Variants in MBD4 observed in about 807,000 individuals in gnomAD.
MBD4 encodes the protein methyl-CpG binding domain 4, DNA glycosylase.
Under a neutral mutation model 60.2 loss-of-function variants are expected in MBD4, and 53 were observed. The observed-to-expected ratio is 0.88, with a 90% CI of 0.71 to 1.11. The LOEUF (loss-of-function observed/expected upper bound fraction) is 1.11. Ranked by LOEUF, MBD4 falls within the 50% of genes least tolerant of loss-of-function variation. The probability of loss-of-function intolerance (pLI) is 0.00; values close to 1 mark genes in which losing one functional copy is unlikely to be tolerated. For missense variants in MBD4, 619 were observed against 674.0 expected (o/e 0.92, Z 0.90); for synonymous variants, 231 against 229.8 (o/e 1.01, Z -0.05).
chr3:129,439,799 C>T lies in MBD4; in HGVS notation c.35G>A (p.Gly12Glu). ...GTTGLESLSL[G>E]DRGAAPTVTS... ...GACGGTGGGGGCAGCTCCGCGGTCC[C>T]CCAGACTCAGACTCTCCAGCCCAGT... The change falls in exon 1 of 8, where the codon GGG becomes GAG. Residue 12 changes from glycine (G) to glutamate (E), a missense_variant. Transcript: ENST00000429544. The T allele has an allele frequency of 6.2e-7, 1 of 1,611,082 alleles. No individual in the cohort carries two copies.
At chr3:129,432,830 G>A (rs2072377454) in intron 6 of MBD4, among the ~76,000 whole-genome samples, 1 of 152,232 alleles carries the variant, frequency 6.6e-6, no homozygotes, top group South Asian at 2.1e-4. Context: ...CAGAAGTCAT[G>A]TCCTTGAGGT....
chr3:129,436,593 T>G lies in MBD4; in HGVS notation c.1051A>C (p.Thr351Pro). 1 of 1,614,200 alleles carries G rather than the reference T, an allele frequency of 6.2e-7. No individual in the cohort carries two copies. Among genetic ancestry groups the G allele is most frequent in the Non-Finnish European group, 8.5e-7 (1 of 1,180,034 alleles). ...DSEHNEKYED[T>P]FLESEEIGTK... ...CCGATTTCTTCAGATTCTAAAAAGG[T>G]ATCCTCATACTTCTCGTTGTGTTCT... The change falls in exon 3 of 8, where the codon ACC (threonine) becomes CCC (proline). Residue 351 changes from threonine (T) to proline (P), a missense_variant. Physicochemically the swap from Thr to Pro is conservative, Grantham distance 38. Coordinates refer to ENST00000429544, the MANE Select transcript of MBD4 (RefSeq NM_001276270.2).
At chr3:129,439,629 C>T (rs753172135) in intron 1 of MBD4, 101 bp downstream of exon 1, 22 of 836,578 alleles carry the variant, frequency 2.6e-5, no homozygotes, top group Non-Finnish European at 4.0e-5. Context: ...AGGTTTCTGC[C>T]GACCCTCTGT....
At chr3:129,433,011 G>C in intron 6 of MBD4, 87 bp downstream of exon 6, 1 of 1,534,630 alleles carries the variant, frequency 6.5e-7, no homozygotes, top group Non-Finnish European at 9.0e-7. Context: ...CATTAATATA[G>C]TATCTGAGAA....
Position 129,436,986 on chromosome 3 carries a change from C to T in MBD4, c.658G>A (p.Val220Ile). 1.9e-6 allele frequency: 3 copies of T among 1,614,176 alleles called. No homozygotes were observed. Among genetic ancestry groups the T allele is most frequent in the Non-Finnish European group, 2.5e-6 (3 of 1,180,020 alleles). Residue 220 changes from valine (V) to isoleucine (I), a missense_variant, in exon 3 of 8, where the codon GTT becomes ATT. Transcript: ENST00000429544. ...THLLLKEDEGVDDVNFRKVRK... is the reference protein window; with the variant it reads ...THLLLKEDEGIDDVNFRKVRK... Reference sequence around the variant, plus strand: ...ACCTTTCTGAAGTTAACATCATCAACACCCTCATCTTCTTTCAAAAGCAAA... The same window carrying T: ...ACCTTTCTGAAGTTAACATCATCAATACCCTCATCTTCTTTCAAAAGCAAA...
In MBD4 at chr3:129,433,920, G is replaced by A. The variant is rs1173391900; in HGVS notation, c.1323C>T (p.Leu441=). The part of the protein sequence containing the change: ...KWTPPRSPFN[L]VQETLFHDPW... Reference sequence around the variant, plus strand: ...GATCATGAAAAAGTGTTTCTTGAACGAGATTAAAAGGTGACCGAGGAGGTG... The same window carrying A: ...GATCATGAAAAAGTGTTTCTTGAACAAGATTAAAAGGTGACCGAGGAGGTG... The change falls in exon 5 of 8, where the codon CTC becomes CTT. Residue 441 remains leucine (L), a synonymous_variant. Transcript: ENST00000429544. The A allele has an allele frequency of 1.2e-6, 2 of 1,614,128 alleles. No homozygotes were observed. The highest frequency in any genetic ancestry group is 1.7e-6 in the Non-Finnish European group (2 of 1,179,986).
At chr3:129,439,470 AC>A (rs1198706002) in intron 1 of MBD4, among the ~76,000 whole-genome samples, 1 of 152,020 alleles carries the variant, frequency 6.6e-6, no homozygotes, top group East Asian at 1.9e-4. Context: ...GGATCCTCCA[AC>A]CCCAAGGGGA....
chr3:129,436,903 T>G lies in MBD4; in HGVS notation c.741A>C (p.Lys247Asn). Reference protein sequence around the residue: ...ILKGIPIKKTKKGCRKSCSGF... With the variant: ...ILKGIPIKKTNKGCRKSCSGF... ...CTGAACAGCTCTTCCTACATCCTTT[T>G]TTAGTTTTCTTAATTGGGATTCCTT... is the stretch of plus-strand genomic sequence containing the variant. Residue 247 changes from lysine to asparagine, a missense_variant, in exon 3 of 8, where the codon AAA becomes AAC. Physicochemically the swap from Lys to Asn is moderately conservative, Grantham distance 94. Coordinates refer to ENST00000429544, the MANE Select transcript of MBD4 (RefSeq NM_001276270.2). The G allele has an allele frequency of 6.2e-7, 1 of 1,614,168 alleles. No individual in the cohort carries two copies. Among genetic ancestry groups the G allele is most frequent in the South Asian group, 1.1e-5 (1 of 91,086 alleles).
rs1375736849 is a variant in MBD4 at position 129,437,015 on chromosome 3, G to T, written c.629C>A (p.Thr210Asn). The T allele has an allele frequency of 6.2e-7, 1 of 1,614,050 alleles. No homozygotes were observed. The highest frequency in any genetic ancestry group is 1.3e-5 in the African/African-American group (1 of 74,912). The change falls in exon 3 of 8, where the codon ACT becomes AAT. Residue 210 changes from threonine to asparagine, a missense_variant. Coordinates refer to ENST00000429544, the MANE Select transcript of MBD4 (RefSeq NM_001276270.2). Reference sequence around the variant, plus strand: ...CTCATCTTCTTTCAAAAGCAAATGAGTGGAAGTAAAGTTAGAGAGTCCTCT... The same window carrying T: ...CTCATCTTCTTTCAAAAGCAAATGATTGGAAGTAAAGTTAGAGAGTCCTCT... Reference protein sequence around the residue: ...ESRGLSNFTSTHLLLKEDEGV... With the variant: ...ESRGLSNFTSNHLLLKEDEGV...
chr3:129,431,301 T>G lies in MBD4; in HGVS notation c.*200A>C. On this transcript the variant is annotated 3_prime_UTR_variant, in exon 8 of 8. Transcript: ENST00000429544. ...ATTGTTGTCAAATAATAATTTATTT[T>G]AAAAAAATCTCAAAACATGTTCAAA... is the stretch of plus-strand genomic sequence containing the variant. 1 of 542,928 alleles carries G rather than the reference T, an allele frequency of 1.8e-6. No individual in the cohort carries two copies. The allele number at this position is 542,928 out of a possible 1,614,324, so 33.6% of individuals were successfully genotyped here.
In MBD4 at chr3:129,432,494, G is replaced by T; in HGVS notation, c.1647+9C>A. 3.7e-6 allele frequency: 6 copies of T among 1,614,202 alleles called. No homozygotes were observed. Among genetic ancestry groups the T allele is most frequent in the Non-Finnish European group, 5.1e-6 (6 of 1,180,032 alleles). On this transcript the variant is annotated intron_variant, in intron 7 of 7. Coordinates refer to ENST00000429544, the MANE Select transcript of MBD4 (RefSeq NM_001276270.2). ...AATGTGCTGAATTATGGATGGGAGT[G>T]AGCCTCACCTGCTTCCACTCATTGA...
At chr3:129,434,870 C>G (rs2072428528) in intron 3 of MBD4, among the ~76,000 whole-genome samples, 1 of 152,178 alleles carries the variant, frequency 6.6e-6, no homozygotes, top group Non-Finnish European at 1.5e-5. Context: ...AGACAACTAC[C>G]TATTGAGAAC....
At position 129,436,634 on chromosome 3, in the gene MBD4, C is replaced by A; in HGVS notation, c.1010G>T (p.Cys337Phe). ...GTTGTGTTCTGAGTCTTTGGCTGAA[C>A]AAAATTTGTTTATGATGCCAGAAGT... Reference protein sequence around the residue: ...QKTSGIINKFCSAKDSEHNEK... With the variant: ...QKTSGIINKFFSAKDSEHNEK... Residue 337 changes from cysteine (C) to phenylalanine (F), a missense_variant, in exon 3 of 8, where the codon TGT (cysteine) becomes TTT (phenylalanine). Coordinates refer to ENST00000429544, the MANE Select transcript of MBD4 (RefSeq NM_001276270.2). 6.2e-7 allele frequency: 1 copy of A among 1,614,050 alleles called. No individual in the cohort carries two copies. Among genetic ancestry groups the A allele is most frequent in the Admixed American group, 1.7e-5 (1 of 60,016 alleles).
chr3:129,433,262 T>G lies in MBD4; in HGVS notation c.1394-15A>C, dbSNP rs751175545. 2 of 1,613,792 alleles carry G rather than the reference T, an allele frequency of 1.2e-6. No individual in the cohort carries two copies. The highest frequency in any genetic ancestry group is 1.7e-6 in the Non-Finnish European group (2 of 1,179,814). On this transcript the variant is annotated splice_polypyrimidine_tract_variant and intron_variant, in intron 5 of 7. Coordinates refer to ENST00000429544, the MANE Select transcript of MBD4 (RefSeq NM_001276270.2). ...TGCCATTTTGCCTGGGAAGTAAAAG[T>G]AACTGAATGATTACAAGACTCCAGG...
intron 7 of MBD4, chr3:129,432,199 G>A (rs2072358204): frequency 1.4e-6 from 2 of 1,399,658 alleles, no homozygotes; most frequent in Non-Finnish European, 1.9e-6. Flanking sequence ...CTTTTGACAG[G>A]AGGAAAACCA....
intron 7 of MBD4, chr3:129,432,280 A>G (rs1033829161): frequency 1.4e-6 from 2 of 1,464,410 alleles, no homozygotes; most frequent in Non-Finnish European, 1.8e-6. Flanking sequence ...ACCACTGGAG[A>G]TGAGTCAGAG....
rs779654395 is a variant in MBD4, at chr3:129,432,513, T to A, written c.1637A>T (p.Glu546Val). ...NDSYRIFCVN[E>V]WKQVHPEDHK... The stretch of plus-strand genomic sequence containing the variant: ...GGGAGTGAGCCTCACCTGCTTCCAC[T>A]CATTGACACAAAAAATTCGGTAAGA... Residue 546 changes from glutamate (E) to valine (V), a missense_variant, in exon 7 of 8, where the codon GAG becomes GTG. Glu to Val is a moderately radical substitution (Grantham distance 121). Coordinates refer to ENST00000429544, the MANE Select transcript of MBD4 (RefSeq NM_001276270.2). The A allele has an allele frequency of 2.5e-6, 4 of 1,614,094 alleles. No homozygotes were observed. In the East Asian group the frequency reaches 8.9e-5, roughly 36 times the overall value.
rs755035506 is a variant in MBD4, at chr3:129,437,916, C to T, written c.139G>A (p.Gly47Arg). The T allele has an allele frequency of 3.5e-5, 57 of 1,613,034 alleles. No homozygotes were observed. The highest frequency in any genetic ancestry group is 6.7e-5 in the Admixed American group (4 of 59,990). The change falls in exon 2 of 8, where the codon GGA (glycine) becomes AGA (arginine). Residue 47 changes from glycine to arginine, a missense_variant. Transcript: ENST00000429544. ...ATCATCATTTGTTCCTCATCTTCTC[C>T]CACTCTTTCCAATTCCATAGCAACA... ...EDVAMELERV[G>R]EDEEQMMIKR...
chr3:129,432,136 C>A, intron 7 of MBD4: 1 of 1,260,140 alleles, frequency 7.9e-7, no homozygotes, highest in South Asian at 1.6e-5. Context: ...TAAGAGAAAC[C>A]CAATATGCAT....
Sources: gnomAD v4.1 joint callset for allele counts (sites outside exome capture counted in the v4.1 genomes callset) on GRCh38, gnomAD v4.1.1 for gene constraint, MANE v1.5 for transcripts, NCBI Gene and HGNC (gene_info 2026-07-23, HGNC 2026-07-21) for gene names.